NEK11: variants seen among roughly 807,000 people sequenced by gnomAD.
NEK11 encodes NIMA related kinase 11.
Under a neutral mutation model 80.7 loss-of-function variants are expected in NEK11, and 72 were observed. The observed-to-expected ratio is 0.89, with a 90% CI of 0.74 to 1.08. The LOEUF is 1.08. Among genes scored for constraint, NEK11 ranks in the 50% least tolerant of loss-of-function variants. The pLI, the probability that NEK11 is intolerant of heterozygous loss-of-function variation, is 0.00. For synonymous variants in NEK11, 251 were observed against 260.7 expected (o/e 0.96, Z 0.36); for missense variants, 764 against 763.6 (o/e 1.00, Z -0.01).
chr3:131,286,944 T>C (rs983200366), intron 17 of NEK11, among the ~76,000 whole-genome samples: 4 of 152,146 alleles, frequency 2.6e-5, no homozygotes, highest in African/African-American at 9.7e-5. Flanking sequence ...TTGTGCAACA[T>C]GAATGCACAA....
chr3:131,132,519 C>G (rs1014261646), intron 5 of NEK11, among the ~76,000 whole-genome samples: 1 of 151,976 alleles, frequency 6.6e-6, no homozygotes, highest in African/African-American at 2.4e-5. Context: ...TATCACCGTT[C>G]TCCAAACTAC....
chr3:131,082,593 T>C (rs2075429359), intron 4 of NEK11, among the ~76,000 whole-genome samples: 1 of 152,226 alleles, frequency 6.6e-6, no homozygotes, highest in Non-Finnish European at 1.5e-5. Flanking sequence ...AAATTTTATT[T>C]AAATTTAGTT....
chr3:131,247,716 C>T (rs1304471011), intron 16 of NEK11, among the ~76,000 whole-genome samples: 1 of 151,816 alleles, frequency 6.6e-6, no homozygotes, highest in African/African-American at 2.4e-5. Flanking sequence ...AATGTTGATT[C>T]TCTCCATCCA....
At chr3:131,168,506 G>A (rs909987121) in intron 12 of NEK11, among the ~76,000 whole-genome samples, 11 of 150,908 alleles carry the variant, frequency 7.3e-5, no homozygotes, top group Non-Finnish European at 1.3e-4. Flanking sequence ...ACAGGCGCCC[G>A]CCACTACGCC....
chr3:131,303,948 C>T (rs1284958385), intron 17 of NEK11, among the ~76,000 whole-genome samples: 1 of 152,052 alleles, frequency 6.6e-6, no homozygotes, highest in African/African-American at 2.4e-5. Context: ...ATATATGTTC[C>T]AAATTGCTTG....
chr3:131,213,069 C>G (rs1303130409), intron 14 of NEK11, among the ~76,000 whole-genome samples: 4 of 152,106 alleles, frequency 2.6e-5, no homozygotes, highest in African/African-American at 9.7e-5. Context: ...AACATTAACT[C>G]TTTTCTGAGT....
intron 17 of NEK11, among the ~76,000 whole-genome samples, chr3:131,273,805 TTATAG>T: frequency 6.6e-6 from 1 of 152,360 alleles, no homozygotes; most frequent in African/African-American, 2.4e-5. Context: ...TGATTTGCAC[TTATAG>T]TATTCTTGCA....
intron 17 of NEK11, among the ~76,000 whole-genome samples, chr3:131,298,417 C>T (rs1012928505): frequency 1.3e-5 from 2 of 152,094 alleles, no homozygotes; most frequent in African/African-American, 2.4e-5. Flanking sequence ...ATTTTATTCT[C>T]TTTGAAGCAA....
intron 17 of NEK11, among the ~76,000 whole-genome samples, chr3:131,306,723 T>C (rs1236666260): frequency 6.6e-6 from 1 of 152,200 alleles, no homozygotes; most frequent in Non-Finnish European, 1.5e-5. Context: ...TTCCCCCTAC[T>C]GGAAGCATGG....
At chr3:131,175,168 A>G in intron 14 of NEK11, 1 of 937,978 alleles carries the variant, frequency 1.1e-6, no homozygotes, top group Non-Finnish European at 1.3e-6. Flanking sequence ...TTTAATTTTA[A>G]AAAGAAAACC....
At chr3:131,283,522 G>C (rs1581378422) in intron 17 of NEK11, among the ~76,000 whole-genome samples, 1 of 103,834 alleles carries the variant, frequency 9.6e-6, no homozygotes, top group South Asian at 2.5e-4. Flanking sequence ...ATTACTGTGT[G>C]TGTGTGTGTG....
chr3:131,036,742 G>A (rs906116953), intron 3 of NEK11, among the ~76,000 whole-genome samples: 3 of 152,160 alleles, frequency 2.0e-5, no homozygotes, highest in African/African-American at 7.2e-5. Context: ...TACCCCAGAG[G>A]TTTCTGATTT....
intron 17 of NEK11, among the ~76,000 whole-genome samples, chr3:131,302,838 G>A (rs1314189806): frequency 6.6e-6 from 1 of 152,166 alleles, no homozygotes; most frequent in Non-Finnish European, 1.5e-5. Context: ...GTTTGGGGTG[G>A]AGAGTTCTGT....
intron 3 of NEK11, among the ~76,000 whole-genome samples, chr3:131,074,377 C>A (rs1020780335): frequency 4.7e-4 from 71 of 152,238 alleles, no homozygotes; most frequent in Admixed American, 2.4e-3. Context: ...ATGAACCTGA[C>A]AGTTTTACAG....
At chr3:131,038,354 C>T (rs907904729) in intron 3 of NEK11, among the ~76,000 whole-genome samples, 1 of 152,128 alleles carries the variant, frequency 6.6e-6, no homozygotes, top group Non-Finnish European at 1.5e-5. Context: ...GAAGAAAATG[C>T]AAGGGCACAT....
At chr3:131,296,217 C>T (rs754904905) in intron 17 of NEK11, among the ~76,000 whole-genome samples, 7 of 152,126 alleles carry the variant, frequency 4.6e-5, no homozygotes, top group Non-Finnish European at 1.0e-4. Context: ...AATCCTAATT[C>T]TCTCCTCCAT....
intron 16 of NEK11, among the ~76,000 whole-genome samples, chr3:131,247,468 A>G (rs1179020154): frequency 2.0e-5 from 3 of 152,086 alleles, no homozygotes; most frequent in African/African-American, 7.2e-5. Context: ...ATTCTGACCC[A>G]TTGGTTTTTG....
At chr3:131,227,207 T>C (rs912266811) in intron 14 of NEK11, among the ~76,000 whole-genome samples, 18 of 152,306 alleles carry the variant, frequency 1.2e-4, no homozygotes, top group African/African-American at 4.1e-4. Context: ...CAGCCTTTTA[T>C]GTTTTAGTGG....
chr3:131,224,451 A>G (rs1017241607), intron 14 of NEK11, among the ~76,000 whole-genome samples: 1 of 151,286 alleles, frequency 6.6e-6, no homozygotes, highest in African/African-American at 2.4e-5. Flanking sequence ...CTGTTCTCGA[A>G]CTCCTGACCT....
Sources: allele counts gnomAD v4.1 joint callset (sites outside exome capture counted in the v4.1 genomes callset), GRCh38; gene constraint gnomAD v4.1.1; transcripts MANE v1.5; gene names NCBI Gene and HGNC (gene_info 2026-07-23, HGNC 2026-07-21).